The following FBN1 variants were observed in gnomAD, a reference collection of about 807,000 sequenced individuals.
FBN1 encodes the protein fibrillin-1.
A neutral mutation model predicts 365.1 loss-of-function variants in FBN1; 29 were observed. That is an observed-to-expected ratio of 0.08 (90% CI 0.06 to 0.11). The LOEUF is 0.11. Among genes scored for constraint, FBN1 ranks in the 10% least tolerant of loss-of-function variants. The pLI is 1.00. For synonymous variants in FBN1, 1,210 were observed against 1,270.5 expected, an observed-to-expected ratio of 0.95 and a Z score of 1.01; for missense variants, 2,476 against 3,703.2, an observed-to-expected ratio of 0.67 and a Z score of 8.60.
At chr15:48,593,082 C>T (rs1181023590) in intron 6 of FBN1, among the ~76,000 whole-genome samples, 2 of 152,182 alleles carry the variant, frequency 1.3e-5, no homozygotes, top group African/African-American at 2.4e-5. Flanking sequence ...TCTTATTACA[C>T]TGTTATATGA....
At chr15:48,620,098 A>C (rs1036480028) in intron 2 of FBN1, among the ~76,000 whole-genome samples, 1 of 152,198 alleles carries the variant, frequency 6.6e-6, no homozygotes, top group African/African-American at 2.4e-5. Flanking sequence ...AAGGGTAGTG[A>C]TGAACCCCAG....
At chr15:48,478,176 C>T (rs2043437061) in intron 32 of FBN1, among the ~76,000 whole-genome samples, 1 of 152,154 alleles carries the variant, frequency 6.6e-6, no homozygotes, top group Non-Finnish European at 1.5e-5. Flanking sequence ...AACGTGAAGG[C>T]TACTTGGATT....
intron 42 of FBN1, 98 bp from the exon 43 acceptor site, chr15:48,460,415 A>G (rs1188225890): frequency 1.3e-6 from 1 of 771,462 alleles, no homozygotes; most frequent in African/African-American, 1.7e-5. Context: ...CTTGAAAGGT[A>G]TTTGTCTGTA....
chr15:48,434,220 TAGAAA>T (rs1173495219), intron 54 of FBN1, among the ~76,000 whole-genome samples: 2 of 151,048 alleles, frequency 1.3e-5, no homozygotes, highest in African/African-American at 4.9e-5. Flanking sequence ...CTCCTAGAAA[TAGAAA>T]AGAAGAGAAA....
At chr15:48,607,112 C>T (rs1468663520) in intron 4 of FBN1, among the ~76,000 whole-genome samples, 1 of 152,036 alleles carries the variant, frequency 6.6e-6, no homozygotes, top group Non-Finnish European at 1.5e-5. Context: ...ACTGTTATAG[C>T]AGCAGAAAAC....
intron 36 of FBN1, among the ~76,000 whole-genome samples, chr15:48,469,069 A>G (rs1165898501): frequency 1.1e-5 from 1 of 87,610 alleles, no homozygotes; most frequent in African/African-American, 4.3e-5. Context: ...CTCCGTCTCA[A>G]AAAAAAAAAA....
chr15:48,590,000 C>T (rs1462474531), intron 6 of FBN1, among the ~76,000 whole-genome samples: 1 of 152,160 alleles, frequency 6.6e-6, no homozygotes, highest in Non-Finnish European at 1.5e-5. Context: ...CAGTTTACTG[C>T]CTTTTGCTTT....
Position 48,456,869 on chromosome 15 carries a change from T to TGTGTGTGTGTGTGTGTGTGC in FBN1, c.5297-108_5297-107insGCACACACACACACACACAC, listed in dbSNP as rs371116530. On this transcript the variant is annotated intron_variant, in intron 43 of 65. Transcript: ENST00000316623. ...GTGTGTGTGTGTGTGTGTGTGTGTG[T>TGTGTGTGTGTGTGTGTGTGC]GTGCGTGCATGTGTTGGGGTGGTGG... is the stretch of plus-strand genomic sequence containing the variant. 3 of 1,086,484 alleles carry TGTGTGTGTGTGTGTGTGTGC rather than the reference T, an allele frequency of 2.8e-6. No individual in the cohort carries two copies. The African/African-American group carries it at 4.7e-5, about 17-fold the overall frequency. The allele number at this position is 1,086,484 out of a possible 1,614,324, so 67.3% of individuals were successfully genotyped here. A position where few individuals can be genotyped will look rare whatever the true frequency, so the allele number is the denominator to read the frequency against.
At chr15:48,636,714 G>A (rs1410133081) in intron 2 of FBN1, among the ~76,000 whole-genome samples, 1 of 152,184 alleles carries the variant, frequency 6.6e-6, no homozygotes, top group East Asian at 1.9e-4. Flanking sequence ...CAGGGCTGCA[G>A]GCGCCAGTGC....
At chr15:48,603,671 C>T (rs2044584414) in intron 4 of FBN1, among the ~76,000 whole-genome samples, 1 of 152,190 alleles carries the variant, frequency 6.6e-6, no homozygotes, top group Non-Finnish European at 1.5e-5. Flanking sequence ...GTTCCTCCTA[C>T]ACCCATAATG....
chr15:48,643,654 G>A (rs551528081), intron 2 of FBN1: 1 of 152,236 alleles, frequency 6.6e-6, no homozygotes, highest in African/African-American at 2.4e-5. Flanking sequence ...GAGCATCAGC[G>A]AGAATGGTAA....
intron 6 of FBN1, among the ~76,000 whole-genome samples, chr15:48,595,945 C>T (rs1329364786): frequency 6.6e-6 from 1 of 152,180 alleles, no homozygotes. Context: ...AATTCACTGG[C>T]ATAATAAAGA....
At chr15:48,420,595 A>T in intron 63 of FBN1, 92 bp downstream of exon 63, 1 of 1,538,484 alleles carries the variant, frequency 6.5e-7, no homozygotes, top group Non-Finnish European at 9.0e-7. Flanking sequence ...TTGTTGCTTC[A>T]ATAACACATT....
chr15:48,451,607 C>T (rs980319502), intron 45 of FBN1, among the ~76,000 whole-genome samples: 10 of 152,242 alleles, frequency 6.6e-5, no homozygotes, highest in East Asian at 3.9e-4. Context: ...AATCTGACCA[C>T]GTTCCCCTGT....
chr15:48,423,950 T>C (rs758155588), intron 60 of FBN1, among the ~76,000 whole-genome samples: 5 of 152,222 alleles, frequency 3.3e-5, no homozygotes, highest in Non-Finnish European at 5.9e-5. Flanking sequence ...TTTTAATTGC[T>C]GGAAACTTTT....
chr15:48,593,405 T>C (rs2044494065), intron 6 of FBN1, among the ~76,000 whole-genome samples: 2 of 152,216 alleles, frequency 1.3e-5, no homozygotes, highest in African/African-American at 4.8e-5. Flanking sequence ...TATTGCCACT[T>C]AGTTTTGATC....
chr15:48,634,894 CACACACACAA>C (rs1677366825), intron 2 of FBN1, among the ~76,000 whole-genome samples: 1 of 131,118 alleles, frequency 7.6e-6, no homozygotes, highest in East Asian at 2.7e-4. Context: ...CACACACACA[CACACACACAA>C]AATGAAACCC....
chr15:48,593,766 G>C (rs1053155441), intron 6 of FBN1, among the ~76,000 whole-genome samples: 12 of 152,178 alleles, frequency 7.9e-5, no homozygotes, highest in Non-Finnish European at 1.0e-4. Flanking sequence ...TAGTGAGGGA[G>C]ATTGGAAACT....
intron 2 of FBN1, among the ~76,000 whole-genome samples, chr15:48,614,666 G>A (rs1566938566): frequency 6.6e-6 from 1 of 152,308 alleles, no homozygotes; most frequent in East Asian, 1.9e-4. Flanking sequence ...TAAGGATAGA[G>A]AGGAAATGAT....
Sources: allele counts gnomAD v4.1 joint callset (sites outside exome capture counted in the v4.1 genomes callset), GRCh38; gene constraint gnomAD v4.1.1; transcripts MANE v1.5; gene names NCBI Gene and HGNC (gene_info 2026-07-23, HGNC 2026-07-21).